FTO: variants seen among roughly 807,000 people sequenced by gnomAD.
The protein encoded by FTO is FTO alpha-ketoglutarate dependent dioxygenase, also known as alpha-ketoglutarate-dependent dioxygenase FTO.
A neutral mutation model predicts 63.9 loss-of-function variants in FTO; 47 were observed. The observed-to-expected ratio is 0.74, with a 90% CI of 0.58 to 0.94. The LOEUF is 0.94. Among genes scored for constraint, FTO ranks in the 40% least tolerant of loss-of-function variants. FTO has a pLI of 0.00. For synonymous variants in FTO, 207 were observed against 224.4 expected (o/e 0.92, Z 0.69); for missense variants, 562 against 618.1 (o/e 0.91, Z 0.96).
intron 4 of FTO, among the ~76,000 whole-genome samples, chr16:53,852,330 A>G (rs1318510968): frequency 6.6e-6 from 1 of 152,014 alleles, no homozygotes; most frequent in Non-Finnish European, 1.5e-5. Flanking sequence ...CTCTGATACT[A>G]CCTCTCACTC....
intron 8 of FTO, among the ~76,000 whole-genome samples, chr16:54,037,985 A>G (rs1461704951): frequency 6.6e-6 from 1 of 152,266 alleles, no homozygotes; most frequent in Non-Finnish European, 1.5e-5. Flanking sequence ...TTCTCATCTT[A>G]GAGCTACCTG....
chr16:53,897,562 C>T (rs942228263), intron 7 of FTO, among the ~76,000 whole-genome samples: 3 of 152,134 alleles, frequency 2.0e-5, no homozygotes, highest in Admixed American at 2.0e-4. Context: ...GTCAGATGTT[C>T]TTTAACAGAT....
intron 1 of FTO, among the ~76,000 whole-genome samples, chr16:53,737,967 T>C (rs1311903533): frequency 1.3e-5 from 2 of 152,098 alleles, no homozygotes; most frequent in South Asian, 2.1e-4. Flanking sequence ...TTTTTTTTCT[T>C]TTTTGAGACA....
intron 4 of FTO, among the ~76,000 whole-genome samples, chr16:53,852,844 A>T (rs1325366668): frequency 6.6e-6 from 1 of 152,152 alleles, no homozygotes; most frequent in Admixed American, 6.5e-5. Context: ...TCTTACTGAT[A>T]GAAGAAGCAT....
intron 8 of FTO, among the ~76,000 whole-genome samples, chr16:54,026,690 A>T (rs528957873): frequency 1.3e-5 from 2 of 152,262 alleles, no homozygotes; most frequent in African/African-American, 4.8e-5. Context: ...GTTGGCCAGT[A>T]TTATAGACGA....
intron 3 of FTO, among the ~76,000 whole-genome samples, chr16:53,834,561 A>G (rs2079237558): frequency 6.6e-6 from 1 of 152,186 alleles, no homozygotes. Context: ...TGAGAATTAA[A>G]CACTTGTAAA....
At chr16:53,899,017 CTCT>C (rs920512529) in intron 7 of FTO, among the ~76,000 whole-genome samples, 1 of 152,066 alleles carries the variant, frequency 6.6e-6, no homozygotes, top group Non-Finnish European at 1.5e-5. Flanking sequence ...AAAATATTAC[CTCT>C]TATTACCTGC....
At chr16:54,035,856 C>T (rs1200263215) in intron 8 of FTO, among the ~76,000 whole-genome samples, 1 of 152,144 alleles carries the variant, frequency 6.6e-6, no homozygotes. Context: ...GGACATAGAC[C>T]CCCTGGCTGC....
chr16:53,754,425 C>T (rs749630593), intron 1 of FTO, among the ~76,000 whole-genome samples: 1 of 152,184 alleles, frequency 6.6e-6, no homozygotes, highest in African/African-American at 2.4e-5. Flanking sequence ...ATTACTTGAG[C>T]TTAGGAGTTC....
chr16:53,941,754 A>C (rs1333713046), intron 8 of FTO, among the ~76,000 whole-genome samples: 2 of 152,190 alleles, frequency 1.3e-5, no homozygotes. Context: ...AGGCTGAGGT[A>C]GGGGGAAGCA....
At chr16:53,840,723 C>T (rs752263809) in intron 3 of FTO, among the ~76,000 whole-genome samples, 1 of 152,186 alleles carries the variant, frequency 6.6e-6, no homozygotes, top group Non-Finnish European at 1.5e-5. Context: ...GGGTCACAGA[C>T]TTTGCTGTGG....
At chr16:53,970,774 G>A (rs1939944045) in intron 8 of FTO, among the ~76,000 whole-genome samples, 1 of 152,076 alleles carries the variant, frequency 6.6e-6, no homozygotes, top group African/African-American at 2.4e-5. Flanking sequence ...AGCCGCCAGT[G>A]TGACACTTTT....
intron 6 of FTO, among the ~76,000 whole-genome samples, chr16:53,884,444 G>T (rs1257489000): frequency 6.6e-6 from 1 of 152,148 alleles, no homozygotes; most frequent in Non-Finnish European, 1.5e-5. Context: ...TTTGTAGGCA[G>T]AGCCTTACCA....
chr16:53,883,501 A>G (rs937125097), intron 6 of FTO, among the ~76,000 whole-genome samples: 1 of 152,080 alleles, frequency 6.6e-6, no homozygotes, highest in African/African-American at 2.4e-5. Context: ...GGGCGCCTGT[A>G]ATCCCAGCTA....
chr16:54,103,779 A>T (rs1186741518), intron 8 of FTO, among the ~76,000 whole-genome samples: 1 of 152,194 alleles, frequency 6.6e-6, no homozygotes, highest in African/African-American at 2.4e-5. Context: ...AAATTCATTG[A>T]CTTGTTCTTT....
chr16:53,781,719 A>T (rs1016018485), intron 1 of FTO, among the ~76,000 whole-genome samples: 3 of 152,162 alleles, frequency 2.0e-5, no homozygotes, highest in Non-Finnish European at 4.4e-5. Context: ...AATAGGCTTG[A>T]ATTTGCTTTT....
chr16:53,808,245 A>C (rs1329720667), intron 1 of FTO, among the ~76,000 whole-genome samples: 3 of 152,060 alleles, frequency 2.0e-5, no homozygotes, highest in African/African-American at 7.2e-5. Flanking sequence ...GAGTTGGGAG[A>C]ATCATCTGAG....
intron 1 of FTO, 37 bp downstream of exon 1, chr16:53,704,266 G>T (rs1349790717): frequency 6.5e-7 from 1 of 1,547,826 alleles, no homozygotes; most frequent in Non-Finnish European, 8.7e-7. Flanking sequence ...ATCTTCGTGC[G>T]CTGTGAGCAA....
At chr16:53,959,491 G>C (rs892352907) in intron 8 of FTO, among the ~76,000 whole-genome samples, 7 of 151,922 alleles carry the variant, frequency 4.6e-5, no homozygotes, top group African/African-American at 1.7e-4. Flanking sequence ...AATGTCAGTA[G>C]TAGCTAATAA....
Sources: gnomAD v4.1 joint callset for allele counts (sites outside exome capture counted in the v4.1 genomes callset) on GRCh38, gnomAD v4.1.1 for gene constraint, MANE v1.5 for transcripts, NCBI Gene and HGNC (gene_info 2026-07-23, HGNC 2026-07-21) for gene names.